CHODL: variants seen among roughly 807,000 people sequenced by gnomAD.
CHODL encodes the protein transmembrane protein MT75.
In CHODL, 29 loss-of-function variants were observed where a neutral mutation model predicts 34.5. That is an observed-to-expected ratio of 0.84 (90% CI 0.63 to 1.15). The LOEUF (loss-of-function observed/expected upper bound fraction) is 1.15, where lower values mean the gene tolerates loss of function less well. CHODL is among the 50% of genes most tolerant of loss of function. The pLI, the probability that CHODL is intolerant of heterozygous loss-of-function variation, is 0.00. For missense variants in CHODL, 332 were observed against 332.5 expected (o/e 1.00, Z 0.01); for synonymous variants, 125 against 116.1 (o/e 1.08, Z -0.49).
chr21:18,098,929 A>G (rs4122523), intron 2 of CHODL, among the ~76,000 whole-genome samples: 2 of 124,406 alleles, frequency 1.6e-5, no homozygotes, highest in African/African-American at 2.6e-5. Context: ...TTGCAACAAC[A>G]TGGATGGAAC....
At chr21:18,171,937 T>C (rs1168862423) in intron 2 of CHODL, among the ~76,000 whole-genome samples, 1 of 152,156 alleles carries the variant, frequency 6.6e-6, no homozygotes, top group Admixed American at 6.5e-5. Context: ...TGTTGGTGCA[T>C]ACCTTCAATG....
chr21:18,103,477 G>A (rs1882889), intron 2 of CHODL, among the ~76,000 whole-genome samples: 11,017 of 152,080 alleles, frequency 0.072, 928 homozygotes, highest in African/African-American at 0.21. Context: ...CTAAAACTCA[G>A]TGTCTTAAAA....
rs569568196 is a variant in CHODL, at chr21:18,194,085, C to T, written c.-44-62424C>T. ...TGCTACCCCCCTGTGAAAAACACAACGATCTTTTGCCCTGATTATCAAAAT... is the reference window on the plus strand; with the variant it reads ...TGCTACCCCCCTGTGAAAAACACAATGATCTTTTGCCCTGATTATCAAAAT... On this transcript the variant is annotated intron_variant, in intron 2 of 6. Transcript: ENST00000400127. Among the ~76,000 whole-genome samples the T allele has an allele frequency of 2.9e-4, 44 of 150,602 alleles. 1 individual carries two copies. The highest frequency in any genetic ancestry group is 3.4e-3 in the Middle Eastern group (1 of 294).
intron 1 of CHODL, among the ~76,000 whole-genome samples, chr21:18,251,222 C>A (rs1457086150): frequency 6.7e-6 from 1 of 150,330 alleles, no homozygotes; most frequent in Non-Finnish European, 1.5e-5. Context: ...AGACAAAAAT[C>A]ATCTACTTAT....
At chr21:18,237,314 G>A (rs1373651262) in intron 2 of CHODL, among the ~76,000 whole-genome samples, 1 of 152,084 alleles carries the variant, frequency 6.6e-6, no homozygotes. Context: ...TCCACTCTCA[G>A]AAGAAATTAC....
intron 1 of CHODL, among the ~76,000 whole-genome samples, chr21:17,949,093 A>T (rs1223961299): frequency 1.3e-5 from 2 of 152,062 alleles, no homozygotes; most frequent in East Asian, 3.8e-4. Flanking sequence ...TGGGCCCCTG[A>T]GTGTGGTGTT....
At chr21:18,225,442 C>A (rs145182732) in intron 2 of CHODL, among the ~76,000 whole-genome samples, 149 of 152,148 alleles carry the variant, frequency 9.8e-4, no homozygotes, top group African/African-American at 3.5e-3. Context: ...AACTGTGTAA[C>A]TTAATTATGT....
At chr21:18,053,184 A>C (rs889524825) in intron 2 of CHODL, among the ~76,000 whole-genome samples, 3 of 151,944 alleles carry the variant, frequency 2.0e-5, no homozygotes, top group Non-Finnish European at 4.4e-5. Context: ...AAATTTAAGA[A>C]AGAGAATAAA....
chr21:17,924,643 C>T (rs573873422), intron 1 of CHODL, among the ~76,000 whole-genome samples: 4 of 152,232 alleles, frequency 2.6e-5, no homozygotes, highest in African/African-American at 7.2e-5. Flanking sequence ...TACAATTAGT[C>T]GGGACTGTTC....
intron 1 of CHODL, among the ~76,000 whole-genome samples, chr21:17,959,570 G>A (rs1428325378): frequency 6.6e-6 from 1 of 152,064 alleles, no homozygotes; most frequent in African/African-American, 2.4e-5. Context: ...AAAGGAAACG[G>A]GCAGAGAGCG....
intron 2 of CHODL, among the ~76,000 whole-genome samples, chr21:18,173,999 A>C (rs2073262251): frequency 6.8e-6 from 1 of 147,922 alleles, no homozygotes; most frequent in South Asian, 2.2e-4. Flanking sequence ...TCTAAAATGA[A>C]ATGCCAAAAT....
intron 2 of CHODL, among the ~76,000 whole-genome samples, chr21:18,177,881 A>C (rs2824681): frequency 0.12 from 18,811 of 152,162 alleles, 1,289 homozygotes; most frequent in East Asian, 0.21. Context: ...GAGTTTATTC[A>C]ACTGGTTTAG....
intron 2 of CHODL, among the ~76,000 whole-genome samples, chr21:18,057,827 TA>T (rs963746436): frequency 2.6e-5 from 4 of 151,806 alleles, no homozygotes; most frequent in Middle Eastern, 3.2e-3. Context: ...TTTTTTTCTT[TA>T]AAAAAAACTT....
chr21:17,995,974 A>G lies in CHODL; in HGVS notation c.-144-31898A>G, dbSNP rs1019588717. Among the ~76,000 whole-genome samples, 8 of 152,154 alleles carry G rather than the reference A, an allele frequency of 5.3e-5. No homozygotes were observed. In the East Asian group the frequency reaches 7.7e-4, roughly 15 times the overall value. On this transcript the variant is annotated intron_variant, in intron 1 of 6. Transcript: ENST00000400127. ...CCTACTTTTTCAATATGATCACTCA[A>G]TTATCTCACCCATGTATCCTGGGCT...
intron 1 of CHODL, among the ~76,000 whole-genome samples, chr21:18,004,133 C>T (rs1452486234): frequency 6.6e-6 from 1 of 152,028 alleles, no homozygotes; most frequent in Non-Finnish European, 1.5e-5. Context: ...GTAGCTAAAC[C>T]TAAGCAAAAC....
intron 2 of CHODL, among the ~76,000 whole-genome samples, chr21:18,186,650 G>A (rs1292493606): frequency 6.6e-6 from 1 of 152,148 alleles, no homozygotes; most frequent in East Asian, 1.9e-4. Context: ...TTAAAGTGAA[G>A]TGCATACTTT....
chr21:18,245,989 G>A (rs888588868), intron 1 of CHODL: 3 of 1,483,162 alleles, frequency 2.0e-6, no homozygotes, highest in Non-Finnish European at 2.7e-6. Flanking sequence ...CAATTAAGTC[G>A]GTCGAGTCAG....
intron 2 of CHODL, among the ~76,000 whole-genome samples, chr21:18,124,085 A>G (rs1436985091): frequency 6.6e-6 from 1 of 151,158 alleles, no homozygotes; most frequent in Non-Finnish European, 1.5e-5. Context: ...TGGAAGGCAG[A>G]AAAAAAAATA....
intron 2 of CHODL, among the ~76,000 whole-genome samples, chr21:18,079,490 A>G (rs906774576): frequency 6.7e-5 from 10 of 148,980 alleles, no homozygotes; most frequent in African/African-American, 2.2e-4. Flanking sequence ...CCATATTACC[A>G]TAGAATATAT....
Sources: gnomAD v4.1 joint callset for allele counts (sites outside exome capture counted in the v4.1 genomes callset) on GRCh38, gnomAD v4.1.1 for gene constraint, MANE v1.5 for transcripts, NCBI Gene and HGNC (gene_info 2026-07-23, HGNC 2026-07-21) for gene names.